The following ARHGAP25 variants were observed in gnomAD, a reference collection of about 807,000 sequenced individuals.
ARHGAP25 encodes the protein rho GTPase-activating protein 25.
A neutral mutation model predicts 71.0 loss-of-function variants in ARHGAP25; 34 were observed. The observed-to-expected ratio is 0.48, with a 90% confidence interval of 0.36 to 0.64. The LOEUF is 0.64. Ranked by LOEUF, ARHGAP25 falls within the 30% of genes least tolerant of loss-of-function variation. The pLI is 0.00. For missense variants in ARHGAP25, 706 were observed against 805.1 expected (o/e 0.88, Z 1.49); for synonymous variants, 282 against 296.5 (o/e 0.95, Z 0.50).
intron 1 of ARHGAP25, among the ~76,000 whole-genome samples, chr2:68,758,919 A>G (rs1329026734): frequency 2.0e-5 from 3 of 151,946 alleles, no homozygotes; most frequent in South Asian, 2.1e-4. Flanking sequence ...TCCAGCCACA[A>G]TGGGATAAAA....
intron 2 of ARHGAP25, among the ~76,000 whole-genome samples, chr2:68,723,602 C>G (rs532225143): frequency 1.8e-4 from 27 of 152,274 alleles, no homozygotes; most frequent in African/African-American, 6.5e-4. Flanking sequence ...GCGGCACAGT[C>G]CCACACTGCT....
At chr2:68,779,772 G>A (rs1678187472) in intron 2 of ARHGAP25, among the ~76,000 whole-genome samples, 1 of 152,184 alleles carries the variant, frequency 6.6e-6, no homozygotes. Flanking sequence ...GGCAACTTGG[G>A]CCCTTCCCTT....
At chr2:68,728,512 TAA>T (rs35870470) in intron 2 of ARHGAP25, among the ~76,000 whole-genome samples, 89 of 148,764 alleles carry the variant, frequency 6.0e-4, no homozygotes, top group Middle Eastern at 3.4e-3. Flanking sequence ...GATTTTTTAA[TAA>T]AAAAAAAACT....
At chr2:68,774,862 A>G (rs573050477) in intron 1 of ARHGAP25, 230 of 1,247,560 alleles carry the variant, frequency 1.8e-4, no homozygotes, top group Admixed American at 8.1e-4. Context: ...ACTCCCACGC[A>G]GGAAAAAGGA....
At chr2:68,815,906 A>G (rs183773220) in intron 6 of ARHGAP25, among the ~76,000 whole-genome samples, 144 of 152,234 alleles carry the variant, frequency 9.5e-4, no homozygotes, top group African/African-American at 3.3e-3. Flanking sequence ...CACCAGTCTT[A>G]AAGTGATTCT....
intron 5 of ARHGAP25, among the ~76,000 whole-genome samples, chr2:68,812,438 G>A (rs1299200133): frequency 1.3e-5 from 2 of 152,138 alleles, no homozygotes; most frequent in South Asian, 2.1e-4. Context: ...TCAGGCCCAC[G>A]GGGAGGCGTC....
intron 1 of ARHGAP25, chr2:68,774,941 A>G (rs1677759697): frequency 2.1e-6 from 3 of 1,412,050 alleles, no homozygotes; most frequent in African/African-American, 2.9e-5. Context: ...CGGTTTGCAG[A>G]ATGACGGGGC....
intron 5 of ARHGAP25, among the ~76,000 whole-genome samples, chr2:68,808,343 T>C (rs535820056): frequency 1.3e-5 from 2 of 152,320 alleles, no homozygotes; most frequent in South Asian, 4.1e-4. Flanking sequence ...TTTTGGACAA[T>C]GGGGTTGGGT....
At chr2:68,781,904 CA>C (rs1264023290) in intron 2 of ARHGAP25, among the ~76,000 whole-genome samples, 1 of 152,188 alleles carries the variant, frequency 6.6e-6, no homozygotes, top group East Asian at 1.9e-4. Flanking sequence ...ATTGCCTTCA[CA>C]AAGACCAAGT....
chr2:68,773,868 A>G (rs547564874), intron 1 of ARHGAP25, among the ~76,000 whole-genome samples: 1 of 152,302 alleles, frequency 6.6e-6, no homozygotes, highest in South Asian at 2.1e-4. Context: ...GGACTGTGCT[A>G]AGTGGTTTGC....
Position 68,819,162 on chromosome 2 carries a change from G to A in ARHGAP25, c.1043G>A (p.Arg348Lys). The A allele has an allele frequency of 6.3e-7, 1 of 1,593,188 alleles. No homozygotes were observed. Among genetic ancestry groups the A allele is most frequent in the Non-Finnish European group, 8.6e-7 (1 of 1,169,222 alleles). Reference protein sequence around the residue: ...QIQRVMTMMIRDHEVLFPKSK... With the variant: ...QIQRVMTMMIKDHEVLFPKSK... ...CAAAGAGTGATGACTATGATGATCA[G>A]AGACCATGAAGTCCTCTTCCCCAAG... Residue 348 changes from arginine (R) to lysine (K), a missense_variant, in exon 9 of 11, where the codon AGA becomes AAA. Physicochemically the swap from Arg to Lys is conservative, Grantham distance 26. Coordinates refer to ENST00000409202, the MANE Select transcript of ARHGAP25 (RefSeq NM_001007231.3).
intron 1 of ARHGAP25, among the ~76,000 whole-genome samples, chr2:68,737,781 T>C (rs72893964): frequency 0.019 from 2,904 of 152,184 alleles, 79 homozygotes; most frequent in African/African-American, 0.067. Flanking sequence ...CTTGGTGAAA[T>C]AGCAAGACAC....
At chr2:68,716,111 A>G (rs1265532356) in intron 2 of ARHGAP25, among the ~76,000 whole-genome samples, 2 of 152,178 alleles carry the variant, frequency 1.3e-5, no homozygotes. Context: ...ACAGGCTTCC[A>G]GAAGTTAATG....
chr2:68,825,605 A>C (rs748034889), intron 10 of ARHGAP25, among the ~76,000 whole-genome samples: 3 of 152,008 alleles, frequency 2.0e-5, no homozygotes, highest in Non-Finnish European at 4.4e-5. Context: ...CTCTACTAAA[A>C]ATACAAAAAA....
At chr2:68,756,935 T>C (rs112853213) in intron 1 of ARHGAP25, among the ~76,000 whole-genome samples, 1,661 of 152,132 alleles carry the variant, frequency 0.011, 32 homozygotes, top group African/African-American at 0.036. Flanking sequence ...AAATGGTGTA[T>C]GCATTAAATG....
intron 2 of ARHGAP25, among the ~76,000 whole-genome samples, chr2:68,727,948 A>G (rs1319939982): frequency 6.6e-6 from 1 of 152,238 alleles, no homozygotes; most frequent in Non-Finnish European, 1.5e-5. Flanking sequence ...TAAAAGTTCT[A>G]GAGAACTAGG....
chr2:68,740,631 T>C lies in ARHGAP25; in HGVS notation c.61+5371T>C, dbSNP rs559642749. On this transcript the variant is annotated intron_variant, in intron 1 of 10. Coordinates refer to ENST00000409202, the MANE Select transcript of ARHGAP25 (RefSeq NM_001007231.3). ...GGTCTTCTGATCACTGGAGAGAGAG[T>C]ATAAAAATCCTTTCCCAGGCCATTT... Among the ~76,000 whole-genome samples the C allele has an allele frequency of 5.3e-5, 8 of 152,174 alleles. No individual in the cohort carries two copies. The South Asian group carries it at 1.7e-3, about 32-fold the overall frequency.
At chr2:68,804,542 C>T (rs77016153) in intron 4 of ARHGAP25, among the ~76,000 whole-genome samples, 106 of 152,324 alleles carry the variant, frequency 7.0e-4, no homozygotes, top group African/African-American at 2.4e-3. Context: ...AATTGTTTCT[C>T]ACCATGTTTT....
At chr2:68,715,842 T>C (rs1674597050) in intron 2 of ARHGAP25, among the ~76,000 whole-genome samples, 1 of 152,248 alleles carries the variant, frequency 6.6e-6, no homozygotes, top group Non-Finnish European at 1.5e-5. Flanking sequence ...CAGACATAGA[T>C]AAGTGGCTGC....
Sources: allele counts gnomAD v4.1 joint callset (sites outside exome capture counted in the v4.1 genomes callset), GRCh38; gene constraint gnomAD v4.1.1; transcripts MANE v1.5; gene names NCBI Gene and HGNC (gene_info 2026-07-23, HGNC 2026-07-21).